The following CASK variants were observed in gnomAD, a reference collection of about 807,000 sequenced individuals.
CASK encodes the protein peripheral plasma membrane protein CASK.
A neutral mutation model predicts 82.9 loss-of-function variants in CASK; 4 were observed. The observed-to-expected ratio is 0.05, with a 90% confidence interval of 0.02 to 0.11. The LOEUF (loss-of-function observed/expected upper bound fraction) is 0.11, where lower values mean the gene tolerates loss of function less well. CASK is among the 10% of genes least tolerant of loss of function. The pLI is 1.00. For synonymous variants in CASK, 259 were observed against 253.5 expected (o/e 1.02, Z -0.20); for missense variants, 358 against 720.9 (o/e 0.50, Z 5.76).
chrX:41,840,935 C>A (rs1015361865), intron 2 of CASK, among the ~76,000 whole-genome samples: 7 of 111,695 alleles, frequency 6.3e-5, no homozygotes, highest in Non-Finnish European at 9.4e-5. Context: ...TTTTGTTTAC[C>A]CATTCATCAG....
chrX:41,713,594 A>G (rs917868427), intron 5 of CASK, among the ~76,000 whole-genome samples: 2 of 112,137 alleles, frequency 1.8e-5, no homozygotes, highest in African/African-American at 6.5e-5. Flanking sequence ...CCTCTTTTGT[A>G]TGGGCACCAA....
intron 3 of CASK, among the ~76,000 whole-genome samples, chrX:41,770,242 AATCT>A (rs747617749): frequency 1.9e-3 from 205 of 106,441 alleles, no homozygotes; most frequent in African/African-American, 5.9e-3. Flanking sequence ...AAAATAATAC[AATCT>A]ATCTATCTAT....
At chrX:41,861,124 GGTCTGA>G (rs773059226) in intron 1 of CASK, among the ~76,000 whole-genome samples, 9 of 111,948 alleles carry the variant, frequency 8.0e-5, no homozygotes, top group African/African-American at 2.6e-4. Flanking sequence ...ACCATCTTCT[GGTCTGA>G]GTCTAACTAT....
intron 16 of CASK, 90 bp from the exon 17 acceptor site, chrX:41,561,734 A>G (rs1351412008): frequency 1.5e-6 from 1 of 688,782 alleles, no homozygotes; most frequent in Non-Finnish European, 2.2e-6. Context: ...TTTAAAAACT[A>G]AGTTGAATAT....
chrX:41,813,578 T>C (rs2070349730), intron 2 of CASK, among the ~76,000 whole-genome samples: 2 of 111,621 alleles, frequency 1.8e-5, no homozygotes, highest in South Asian at 7.5e-4. Flanking sequence ...TTACACCTTA[T>C]ATAAAAATTA....
rs767590057 is a variant in CASK, at chrX:41,904,078, T to C, written c.59+18852A>G. ...CCTCCCAGTCCCTAGTAAATACTAA[T>C]CTAGTGTCTATATCAACAGATTTAC... On this transcript the variant is annotated intron_variant, in intron 1 of 26. Transcript: ENST00000378163. 2.7e-5 allele frequency among the ~76,000 whole-genome samples: 3 copies of C among 111,812 alleles called. No homozygotes were observed. In the Admixed American group the frequency reaches 2.8e-4, roughly 11 times the overall value.
At chrX:41,916,318 G>A (rs781461375) in intron 1 of CASK, among the ~76,000 whole-genome samples, 2 of 112,123 alleles carry the variant, frequency 1.8e-5, no homozygotes, top group South Asian at 3.7e-4. Context: ...AACTAGCTTC[G>A]GAAATGAAAT....
At chrX:41,522,664 T>C (rs1394919545) in intron 26 of CASK, among the ~76,000 whole-genome samples, 2 of 112,221 alleles carry the variant, frequency 1.8e-5, no homozygotes, top group Non-Finnish European at 3.8e-5. Context: ...CAAAAACCAC[T>C]AGCAGGGTTT....
rs76938729 is a variant in CASK, at chrX:41,815,385, T to C, written c.173-28102A>G. On this transcript the variant is annotated intron_variant, in intron 2 of 26. Transcript: ENST00000378163. ...AAACTAGTCAATACAAATAGACCTA[T>C]AAATGATAGCTATGTAGGCATTACA... Among the ~76,000 whole-genome samples the C allele has an allele frequency of 0.012, 1,335 of 111,803 alleles. 40 individuals carry two copies. The East Asian group carries it at 0.16, about 13-fold the overall frequency.
intron 12 of CASK, among the ~76,000 whole-genome samples, chrX:41,595,217 C>T (rs980289056): frequency 8.9e-6 from 1 of 112,231 alleles, no homozygotes; most frequent in African/African-American, 3.2e-5. Flanking sequence ...AAAACTTTCC[C>T]TCAAAATTAA....
At chrX:41,530,635 G>A (rs767298704) in intron 25 of CASK, among the ~76,000 whole-genome samples, 4 of 112,492 alleles carry the variant, frequency 3.6e-5, no homozygotes, top group South Asian at 3.7e-4. Flanking sequence ...ATGGTCCAGC[G>A]TGAGCTGTAC....
chrX:41,750,493 G>A (rs945099129), intron 3 of CASK, among the ~76,000 whole-genome samples: 1 of 111,635 alleles, frequency 9.0e-6, no homozygotes, highest in Non-Finnish European at 1.9e-5. Context: ...CCATTCTGAG[G>A]GAATGAAAGG....
At chrX:41,680,924 AAAAT>A (rs919226956) in intron 5 of CASK, among the ~76,000 whole-genome samples, 1 of 111,166 alleles carries the variant, frequency 9.0e-6, no homozygotes, top group African/African-American at 3.3e-5. Flanking sequence ...TCAAAAAAAA[AAAAT>A]AAATAAATAA....
At chrX:41,579,920 G>C (rs1469410683) in intron 14 of CASK, among the ~76,000 whole-genome samples, 1 of 111,836 alleles carries the variant, frequency 8.9e-6, no homozygotes, top group African/African-American at 3.3e-5. Context: ...ATACACAGTT[G>C]AGTTTCTAAT....
chrX:41,600,128 A>G (rs2065873498), intron 12 of CASK, among the ~76,000 whole-genome samples: 1 of 112,336 alleles, frequency 8.9e-6, no homozygotes, highest in Non-Finnish European at 1.9e-5. Context: ...TTTATGTTAC[A>G]TTAGGTGTGT....
chrX:41,527,409 T>C (rs2064731990), intron 25 of CASK, among the ~76,000 whole-genome samples: 1 of 112,197 alleles, frequency 8.9e-6, no homozygotes. Context: ...ATTGATTCTA[T>C]GGCTTGGCTA....
chrX:41,605,774 G>A (rs184151625), intron 12 of CASK, among the ~76,000 whole-genome samples: 13 of 111,514 alleles, frequency 1.2e-4, no homozygotes, highest in East Asian at 2.8e-4. Context: ...CACCTCCTGC[G>A]TTCAAGTGAT....
chrX:41,805,983 C>A (rs1406644453), intron 2 of CASK, among the ~76,000 whole-genome samples: 1 of 111,588 alleles, frequency 9.0e-6, no homozygotes, highest in East Asian at 2.8e-4. Context: ...CTAGTACCCC[C>A]ACAGCCCCAA....
At chrX:41,872,586 CAA>C (rs2071724717) in intron 1 of CASK, among the ~76,000 whole-genome samples, 1 of 112,091 alleles carries the variant, frequency 8.9e-6, no homozygotes, top group African/African-American at 3.2e-5. Context: ...AAAAAAATTA[CAA>C]AGATAGTACA....
Sources: allele counts gnomAD v4.1 joint callset (sites outside exome capture counted in the v4.1 genomes callset), GRCh38; gene constraint gnomAD v4.1.1; transcripts MANE v1.5; gene names NCBI Gene and HGNC (gene_info 2026-07-23, HGNC 2026-07-21).